Variants in EDAR observed in about 807,000 individuals in gnomAD.
EDAR encodes the protein tumor necrosis factor receptor superfamily member EDAR.
EDAR carries 38 observed loss-of-function variants against 51.3 expected under a neutral mutation model. That is an observed-to-expected ratio of 0.74 (90% CI 0.57 to 0.97). The LOEUF (loss-of-function observed/expected upper bound fraction) is 0.97, where lower values mean the gene tolerates loss of function less well. EDAR is among the 50% of genes least tolerant of loss of function. The pLI is 0.00. For synonymous variants in EDAR, 227 were observed against 242.1 expected, an observed-to-expected ratio of 0.94 and a Z score of 0.58; for missense variants, 528 against 595.0, an observed-to-expected ratio of 0.89 and a Z score of 1.17.
At chr2:108,909,965 C>T (rs1298353854) in intron 9 of EDAR, among the ~76,000 whole-genome samples, 1 of 152,212 alleles carries the variant, frequency 6.6e-6, no homozygotes, top group East Asian at 1.9e-4. Context: ...ATACAAGCAC[C>T]TTGCTCCTGG....
intron 4 of EDAR, among the ~76,000 whole-genome samples, chr2:108,928,376 C>T (rs1239946734): frequency 6.6e-6 from 1 of 152,182 alleles, no homozygotes; most frequent in Non-Finnish European, 1.5e-5. Context: ...TCTGCAACTC[C>T]TAGGACACTC....
At chr2:108,913,487 TCATAAAAGTAATATATGC>T (rs1279466373) in intron 5 of EDAR, among the ~76,000 whole-genome samples, 21 of 152,090 alleles carry the variant, frequency 1.4e-4, no homozygotes, top group Admixed American at 1.3e-4. Flanking sequence ...CTTTTTCCAG[TCATAAAAGTAATATATGC>T]TCACTATTAA....
intron 11 of EDAR, among the ~76,000 whole-genome samples, chr2:108,901,385 TAAC>T (rs1454263950): frequency 6.6e-6 from 1 of 152,038 alleles, no homozygotes. Context: ...AAACTCAAGT[TAAC>T]AATCTAAGCT....
At chr2:108,983,681 GA>G (rs1462620608) in intron 1 of EDAR, among the ~76,000 whole-genome samples, 1 of 152,212 alleles carries the variant, frequency 6.6e-6, no homozygotes, top group East Asian at 1.9e-4. Context: ...CAGATACGAG[GA>G]AGGAAATCAA....
chr2:108,921,215 G>A (rs1437010147), intron 5 of EDAR, among the ~76,000 whole-genome samples: 2 of 152,074 alleles, frequency 1.3e-5, no homozygotes, highest in South Asian at 4.1e-4. Context: ...GGGAGGTGTG[G>A]GGCAGAGCTG....
rs773101527 is a variant in EDAR at position 108,897,123 on chromosome 2, G to A, written c.1131C>T (p.Leu377=). ...CCCTCTTCAGGCCGAAGCTCTCGGC[G>A]AGGTGGCGCCACGTTTTCACAACAG... ...EKAVVKTWRH[L]AESFGLKRDE... is the part of the protein sequence containing the mutation. The change falls in exon 12 of 12, where the codon CTC becomes CTT. Residue 377 remains leucine, a synonymous_variant. Coordinates refer to ENST00000258443, the MANE Select transcript of EDAR (RefSeq NM_022336.4). 55 of 1,613,884 alleles carry A rather than the reference G, an allele frequency of 3.4e-5. No individual in the cohort carries two copies. In the East Asian group the frequency reaches 5.8e-4, roughly 17 times the overall value.
rs1696553243 is a variant in EDAR at position 108,894,955 on chromosome 2, G to T, written c.*1952C>A. The T allele has an allele frequency of 6.6e-6, 1 of 152,232 alleles. No homozygotes were observed. Among genetic ancestry groups the T allele is most frequent in the African/African-American group, 2.4e-5 (1 of 41,436 alleles). The allele number at this position is 152,232 out of a possible 1,614,324, so 9.4% of individuals were successfully genotyped here. ...AAACATTCTGAGGAGGGTGCAAGCT[G>T]TTATCCTGGAATGGCACACTCATCA... On this transcript the variant is annotated 3_prime_UTR_variant, in exon 12 of 12. Coordinates refer to ENST00000258443, the MANE Select transcript of EDAR (RefSeq NM_022336.4).
intron 1 of EDAR, among the ~76,000 whole-genome samples, chr2:108,937,335 G>C (rs111982260): frequency 0.015 from 2,225 of 152,352 alleles, 25 homozygotes; most frequent in South Asian, 0.03. Flanking sequence ...GGCCCTAAGT[G>C]TCTCAAGGGT....
chr2:108,961,152 G>A (rs1698031982), intron 1 of EDAR, among the ~76,000 whole-genome samples: 1 of 152,214 alleles, frequency 6.6e-6, no homozygotes, highest in Non-Finnish European at 1.5e-5. Context: ...CCGCTGCAGA[G>A]CCTCTGGGCC....
intron 5 of EDAR, among the ~76,000 whole-genome samples, chr2:108,922,090 T>G (rs1697152637): frequency 6.6e-6 from 1 of 152,268 alleles, no homozygotes; most frequent in Non-Finnish European, 1.5e-5. Context: ...GACTCAAGTC[T>G]GCTCTGGCTG....
intron 1 of EDAR, among the ~76,000 whole-genome samples, chr2:108,938,630 T>G (rs571672108): frequency 6.6e-6 from 1 of 152,288 alleles, no homozygotes; most frequent in South Asian, 2.1e-4. Flanking sequence ...AAGGATCTTG[T>G]CGAACTGACA....
chr2:108,950,154 T>C (rs1697795165), intron 1 of EDAR, among the ~76,000 whole-genome samples: 1 of 152,222 alleles, frequency 6.6e-6, no homozygotes, highest in Admixed American at 6.5e-5. Context: ...GCAGAACAGA[T>C]GACAGCCATC....
chr2:108,940,280 C>T, intron 1 of EDAR: 1 of 152,462 alleles, frequency 6.6e-6, no homozygotes, highest in Non-Finnish European at 1.5e-5. Context: ...GCAGAAGGTG[C>T]CCACATGGGT....
chr2:108,906,348 C>T lies in EDAR; in HGVS notation c.984G>A (p.Lys328=), dbSNP rs1480808868. 2.5e-6 allele frequency: 4 copies of T among 1,614,090 alleles called. No individual in the cohort carries two copies. Among genetic ancestry groups the T allele is most frequent in the Non-Finnish European group, 3.4e-6 (4 of 1,180,038 alleles). ...KSAGIQSRRK[K]ILDVYANVCG... is the part of the protein sequence containing the mutation. ...ACACGTTGGCATACACATCGAGGAT[C>T]TTTTTCCTCCGGCTTTGAATCTGTG... is the stretch of plus-strand genomic sequence containing the variant. Residue 328 remains lysine (K), a synonymous_variant, in exon 11 of 12, where the codon AAG becomes AAA. Coordinates refer to ENST00000258443, the MANE Select transcript of EDAR (RefSeq NM_022336.4).
intron 1 of EDAR, among the ~76,000 whole-genome samples, chr2:108,980,963 C>T (rs1243581230): frequency 1.9e-5 from 2 of 106,094 alleles, no homozygotes; most frequent in East Asian, 2.0e-4. Context: ...AGACAGGGAC[C>T]TCTGACGGAC....
At position 108,895,102 on chromosome 2, in the gene EDAR, T is replaced by A. The variant is rs1696556761; in HGVS notation, c.*1805A>T. The A allele has an allele frequency of 6.6e-6, 1 of 152,584 alleles. No individual in the cohort carries two copies. Among genetic ancestry groups the A allele is most frequent in the South Asian group, 2.1e-4 (1 of 4,818 alleles). 9.5% of individuals were successfully genotyped at this position (152,584 alleles called of 1,614,324 possible). On this transcript the variant is annotated 3_prime_UTR_variant, in exon 12 of 12. Coordinates refer to ENST00000258443, the MANE Select transcript of EDAR (RefSeq NM_022336.4). Reference sequence around the variant, plus strand: ...AGGATAATTAAGCTCTGCCGTGGAGTATTTAGCTTGCAGGGTAAACCAAAT... The same window carrying A: ...AGGATAATTAAGCTCTGCCGTGGAGAATTTAGCTTGCAGGGTAAACCAAAT...
At chr2:108,940,682 G>A (rs1361218853) in intron 1 of EDAR, among the ~76,000 whole-genome samples, 2 of 152,334 alleles carry the variant, frequency 1.3e-5, no homozygotes, top group East Asian at 1.9e-4. Context: ...AAGACCAAGC[G>A]CAATTACAAC....
rs756833493 is a variant in EDAR, at chr2:108,912,715, G to A, written c.492C>T (p.Gly164=). ...GASANFPGTS[G]SSTLSPFQHA... ...GCTGGAAGGGAGACAGGGTGCTGCTGCCCGAGGTGCCAGGGAAGTTGGCAG... is the reference window on the plus strand; with the variant it reads ...GCTGGAAGGGAGACAGGGTGCTGCTACCCGAGGTGCCAGGGAAGTTGGCAG... The change falls in exon 6 of 12, where the codon GGC becomes GGT. Residue 164 remains glycine (G), a synonymous_variant. Coordinates refer to ENST00000258443, the MANE Select transcript of EDAR (RefSeq NM_022336.4). 10 of 1,602,214 alleles carry A rather than the reference G, an allele frequency of 6.2e-6. No individual in the cohort carries two copies. The highest frequency in any genetic ancestry group is 8.5e-6 in the Non-Finnish European group (10 of 1,174,922).
At chr2:108,934,154 AAAAT>A (rs1458147434) in intron 1 of EDAR, among the ~76,000 whole-genome samples, 1 of 152,218 alleles carries the variant, frequency 6.6e-6, no homozygotes, top group Non-Finnish European at 1.5e-5. Flanking sequence ...AGAGAAAAGA[AAAAT>A]AGATACACAA....
Sources: allele counts gnomAD v4.1 joint callset (sites outside exome capture counted in the v4.1 genomes callset), GRCh38; gene constraint gnomAD v4.1.1; transcripts MANE v1.5; gene names NCBI Gene and HGNC (gene_info 2026-07-23, HGNC 2026-07-21).